The following DOCK7 variants were observed in gnomAD, a reference collection of about 807,000 sequenced individuals.
DOCK7 encodes the protein dedicator of cytokinesis 7.
In DOCK7, 138 loss-of-function variants were observed where a neutral mutation model predicts 271.0. That is an observed-to-expected ratio of 0.51 (90% CI 0.44 to 0.59). DOCK7 has a LOEUF of 0.59. DOCK7 is among the 20% of genes least tolerant of loss of function. DOCK7 has a pLI of 0.00. For missense variants in DOCK7, 2,066 were observed against 2,592.4 expected (o/e 0.80, Z 4.41); for synonymous variants, 823 against 876.1 (o/e 0.94, Z 1.07).
At chr1:62,534,836 TA>T (rs1298894831) in intron 29 of DOCK7, among the ~76,000 whole-genome samples, 6 of 152,126 alleles carry the variant, frequency 3.9e-5, no homozygotes, top group African/African-American at 1.4e-4. Flanking sequence ...CTCACACCTG[TA>T]ATCCCAGCAC....
intron 1 of DOCK7, among the ~76,000 whole-genome samples, chr1:62,668,497 G>GT (rs1012309213): frequency 1.5e-4 from 23 of 152,240 alleles, no homozygotes; most frequent in African/African-American, 5.3e-4. Flanking sequence ...AGTCATTAGG[G>GT]TTTTTTTAAA....
intron 48 of DOCK7, among the ~76,000 whole-genome samples, chr1:62,463,188 G>A (rs1645580931): frequency 6.6e-6 from 1 of 152,094 alleles, no homozygotes; most frequent in Non-Finnish European, 1.5e-5. Flanking sequence ...GAAGAGAAAT[G>A]GCTAACAGAC....
intron 14 of DOCK7, among the ~76,000 whole-genome samples, chr1:62,603,425 G>T (rs1274716976): frequency 1.3e-5 from 2 of 151,534 alleles, no homozygotes; most frequent in African/African-American, 2.4e-5. Flanking sequence ...ACAGAAAAAA[G>T]TTATTAAGAA....
intron 36 of DOCK7, among the ~76,000 whole-genome samples, chr1:62,505,163 C>T (rs1171701843): frequency 6.6e-6 from 1 of 152,062 alleles, no homozygotes; most frequent in Non-Finnish European, 1.5e-5. Context: ...GCATTCCATC[C>T]TCTAGGATGA....
chr1:62,620,883 C>CA (rs767181280), intron 12 of DOCK7, among the ~76,000 whole-genome samples: 3,014 of 30,450 alleles, frequency 0.099, 172 homozygotes, highest in African/African-American at 0.18. Flanking sequence ...GACTCCGTCT[C>CA]AAAAAAAAAA....
At chr1:62,550,924 T>C (rs1346098032) in intron 22 of DOCK7, among the ~76,000 whole-genome samples, 1 of 152,108 alleles carries the variant, frequency 6.6e-6, no homozygotes, top group Non-Finnish European at 1.5e-5. Context: ...TTTCACCATG[T>C]TGGCCAGGCT....
intron 14 of DOCK7, chr1:62,605,117 A>G (rs1650788642): frequency 1.2e-5 from 3 of 251,384 alleles, no homozygotes; most frequent in South Asian, 1.2e-4. Context: ...TAACTTTTCT[A>G]AATAAAAAAT....
Position 62,598,714 on chromosome 1 carries a change from G to T in DOCK7, c.1683-12090C>A, listed in dbSNP as rs369750417. The T allele has an allele frequency of 1.9e-6, 3 of 1,608,814 alleles. No homozygotes were observed. In the South Asian group the frequency reaches 3.3e-5, roughly 18 times the overall value. ...TATCCAGACTTTTGTAGAAAAACAA[G>T]ATAATAGCATCAAAGACCTTCTCCA... On this transcript the variant is annotated intron_variant, in intron 14 of 49. Transcript: ENST00000635253.
intron 40 of DOCK7, among the ~76,000 whole-genome samples, chr1:62,493,635 G>C (rs1646529193): frequency 6.6e-6 from 1 of 152,118 alleles, no homozygotes; most frequent in African/African-American, 2.4e-5. Flanking sequence ...CACCTTTCCT[G>C]AGTCTTTGTA....
chr1:62,643,975 T>C (rs1368477209), intron 7 of DOCK7, among the ~76,000 whole-genome samples: 1 of 151,942 alleles, frequency 6.6e-6, no homozygotes, highest in Admixed American at 6.5e-5. Context: ...GAGTCTCTTG[T>C]TCCTTTATAA....
At chr1:62,583,095 A>G (rs1469326173) in intron 16 of DOCK7, 89 bp downstream of exon 16, 5 of 1,095,630 alleles carry the variant, frequency 4.6e-6, no homozygotes, top group Non-Finnish European at 6.8e-6. Context: ...CATTTAGTGC[A>G]GCAAAGCATT....
chr1:62,596,687 T>C (rs1404141493), intron 14 of DOCK7, among the ~76,000 whole-genome samples: 1 of 152,134 alleles, frequency 6.6e-6, no homozygotes, highest in Non-Finnish European at 1.5e-5. Flanking sequence ...TAAATGTATA[T>C]TATCAAAATT....
In DOCK7 at chr1:62,504,692, T is replaced by G. The variant is rs374009939; in HGVS notation, c.4702A>C (p.Ile1568Leu). 2 of 1,614,032 alleles carry G rather than the reference T, an allele frequency of 1.2e-6. No individual in the cohort carries two copies. Among genetic ancestry groups the G allele is most frequent in the African/African-American group, 2.7e-5 (2 of 74,932 alleles). ...LRHCSSSIGT[I>L]RSHASASLYL... is the part of the protein sequence containing the mutation. ...AGGGAGGCACTGGCGTGTGACCGTA[T>G]TGTACCGATGCTACTGCTACAGTGT... The change falls in exon 37 of 50, where the codon ATA (isoleucine) becomes CTA (leucine). Residue 1568 changes from isoleucine to leucine, a missense_variant. Ile to Leu is a conservative substitution (Grantham distance 5, BLOSUM62 2). This residue lies in a region of DOCK7 where 652 missense variants were observed against 922.1 expected (regional missense o/e 0.71). Transcript: ENST00000635253.
chr1:62,512,563 T>C (rs1320803275), intron 33 of DOCK7, among the ~76,000 whole-genome samples: 1 of 152,102 alleles, frequency 6.6e-6, no homozygotes, highest in African/African-American at 2.4e-5. Flanking sequence ...TTGAGTTTGA[T>C]GGGCAATATT....
In DOCK7 at chr1:62,507,964, GAAC is replaced by G; in HGVS notation, c.4471_4473del (p.Val1491del). 1 of 1,610,540 alleles carries G rather than the reference GAAC, an allele frequency of 6.2e-7. No individual in the cohort carries two copies. Among genetic ancestry groups the G allele is most frequent in the Non-Finnish European group, 8.5e-7 (1 of 1,179,052 alleles). On this transcript the variant is annotated inframe_deletion, in exon 35 of 50. Transcript: ENST00000635253. ...ATTTCTCTTCTTTGCATTCTTACCT[GAAC>G]AACAATCTCTAATGTATCTAAAATG...
At chr1:62,625,920 TA>T (rs1458982963) in intron 11 of DOCK7, among the ~76,000 whole-genome samples, 1 of 152,148 alleles carries the variant, frequency 6.6e-6, no homozygotes, top group Non-Finnish European at 1.5e-5. Flanking sequence ...TAAAGTACAC[TA>T]AGCAAGAGCA....
At chr1:62,562,455 T>C (rs969525801) in intron 18 of DOCK7, among the ~76,000 whole-genome samples, 1 of 152,040 alleles carries the variant, frequency 6.6e-6, no homozygotes, top group Non-Finnish European at 1.5e-5. Context: ...CCTCAGGTGA[T>C]CTGCTTGCCT....
At chr1:62,597,206 C>CA (rs775031710) in intron 14 of DOCK7, among the ~76,000 whole-genome samples, 10 of 151,970 alleles carry the variant, frequency 6.6e-5, no homozygotes, top group Non-Finnish European at 1.2e-4. Context: ...ATTTACCCAA[C>CA]AAAAAAGTTT....
chr1:62,641,605 G>A, intron 7 of DOCK7: 1 of 470,550 alleles, frequency 2.1e-6, no homozygotes, highest in Non-Finnish European at 4.3e-6. Context: ...AAATGTGGAT[G>A]CCCTCGCAAC....
Sources: gnomAD v4.1 joint callset for allele counts (sites outside exome capture counted in the v4.1 genomes callset) on GRCh38, gnomAD v4.1.1 for gene constraint, gnomAD v4.1.1 regional missense constraint, MANE v1.5 for transcripts, NCBI Gene and HGNC (gene_info 2026-07-23, HGNC 2026-07-21) for gene names.